Variants in CPNE8 observed in about 807,000 individuals in gnomAD.
CPNE8 encodes copine 8, also known as copine-8.
CPNE8 carries 45 observed loss-of-function variants against 81.5 expected under a neutral mutation model. The observed-to-expected ratio is 0.55, with a 90% CI of 0.44 to 0.71. The LOEUF is 0.71. Among genes scored for constraint, CPNE8 ranks in the 30% least tolerant of loss-of-function variants. CPNE8 has a pLI of 0.00. For missense variants in CPNE8, 594 were observed against 672.1 expected (o/e 0.88, Z 1.28); for synonymous variants, 252 against 226.3 (o/e 1.11, Z -1.02).
chr12:38,748,660 C>A (rs1422474486), intron 10 of CPNE8, among the ~76,000 whole-genome samples: 4 of 150,932 alleles, frequency 2.7e-5, no homozygotes, highest in Non-Finnish European at 5.9e-5. Context: ...GCCACCACGC[C>A]CGGCTAATTT....
chr12:38,678,372 A>G (rs1939338003), intron 16 of CPNE8, among the ~76,000 whole-genome samples: 1 of 151,976 alleles, frequency 6.6e-6, no homozygotes, highest in Non-Finnish European at 1.5e-5. Flanking sequence ...AGTTTTCTAC[A>G]TTCTAGATAT....
chr12:38,902,409 A>AAGAG (rs1194669834), intron 1 of CPNE8, among the ~76,000 whole-genome samples: 2 of 141,378 alleles, frequency 1.4e-5, no homozygotes, highest in Admixed American at 6.8e-5. Flanking sequence ...GAAAGAAAGA[A>AAGAG]AGAAAGAAAA....
intron 7 of CPNE8, among the ~76,000 whole-genome samples, chr12:38,773,936 C>T (rs560828209): frequency 6.6e-6 from 1 of 151,730 alleles, no homozygotes; most frequent in South Asian, 2.1e-4. Flanking sequence ...TGAAGTTACA[C>T]CAAGATTTTA....
chr12:38,862,539 G>A (rs1301872376), intron 3 of CPNE8, among the ~76,000 whole-genome samples: 1 of 152,140 alleles, frequency 6.6e-6, no homozygotes, highest in Non-Finnish European at 1.5e-5. Flanking sequence ...GGTAACAGAA[G>A]CATAACATAA....
chr12:38,663,408 G>A (rs1432239577), intron 19 of CPNE8, among the ~76,000 whole-genome samples: 1 of 151,956 alleles, frequency 6.6e-6, no homozygotes, highest in African/African-American at 2.4e-5. Context: ...AGAAAATGCT[G>A]AAAAATCACT....
intron 10 of CPNE8, among the ~76,000 whole-genome samples, chr12:38,738,683 G>C (rs1941009704): frequency 6.6e-6 from 1 of 151,696 alleles, no homozygotes; most frequent in South Asian, 2.1e-4. Flanking sequence ...CGGGGGATTG[G>C]GTACACATTT....
intron 5 of CPNE8, 66 bp downstream of exon 5, chr12:38,839,850 A>G: frequency 7.4e-7 from 1 of 1,346,750 alleles, no homozygotes; most frequent in Non-Finnish European, 1.0e-6. Context: ...CTTTAATATT[A>G]ATAAGTCAGC....
Position 38,653,750 on chromosome 12 carries a change from A to G in CPNE8, c.*132T>C, listed in dbSNP as rs981644770. 2 of 1,311,770 alleles carry G rather than the reference A, an allele frequency of 1.5e-6. No individual in the cohort carries two copies. Among genetic ancestry groups the G allele is most frequent in the Admixed American group, 3.8e-5 (1 of 25,998 alleles). 81.3% of individuals were successfully genotyped at this position (1,311,770 alleles called of 1,614,324 possible). A position where few individuals can be genotyped will look rare whatever the true frequency, so the allele number is the denominator to read the frequency against. On this transcript the variant is annotated 3_prime_UTR_variant, in exon 20 of 20. Transcript: ENST00000331366. ...TAGGAAGATATTTAAATTTGGATCC[A>G]AGAAAGCACATTAACTGCTGAAACC...
At chr12:38,738,311 C>G (rs1941001034) in intron 10 of CPNE8, among the ~76,000 whole-genome samples, 1 of 152,100 alleles carries the variant, frequency 6.6e-6, no homozygotes, top group Admixed American at 6.6e-5. Flanking sequence ...GTCTTACAAA[C>G]CCCAAAAATA....
Position 38,677,493 on chromosome 12 carries a change from C to A in CPNE8, c.1333G>T (p.Val445Phe). ...TTAGTCTGGGCCATATCTGAGATAACACCATCTGTAACAATCAGAAGCACA... is the reference window on the plus strand; with the variant it reads ...TTAGTCTGGGCCATATCTGAGATAAAACCATCTGTAACAATCAGAAGCACA... ...YFVLLIVTDG[V>F]ISDMAQTKES... The change falls in exon 17 of 20, where the codon GTT becomes TTT. Residue 445 changes from valine (V) to phenylalanine (F), a missense_variant. Val to Phe is a conservative substitution (Grantham distance 50). Coordinates refer to ENST00000331366, the MANE Select transcript of CPNE8 (RefSeq NM_153634.3). The A allele has an allele frequency of 6.2e-7, 1 of 1,612,570 alleles. No homozygotes were observed. The highest frequency in any genetic ancestry group is 8.5e-7 in the Non-Finnish European group (1 of 1,178,944).
At chr12:38,674,934 C>T (rs1939254898) in intron 18 of CPNE8, among the ~76,000 whole-genome samples, 1 of 152,162 alleles carries the variant, frequency 6.6e-6, no homozygotes, top group Non-Finnish European at 1.5e-5. Context: ...AAATAAGCTG[C>T]CATTGTTAAT....
chr12:38,677,030 C>A (rs1939305427), intron 17 of CPNE8, among the ~76,000 whole-genome samples: 1 of 151,890 alleles, frequency 6.6e-6, no homozygotes, highest in Admixed American at 6.6e-5. Flanking sequence ...TTATAATGAG[C>A]AGGATGGTTT....
chr12:38,834,918 C>T (rs1239222886), intron 5 of CPNE8, among the ~76,000 whole-genome samples: 1 of 151,696 alleles, frequency 6.6e-6, no homozygotes, highest in Non-Finnish European at 1.5e-5. Context: ...ACTCTGTCAC[C>T]AGGCTGGAGT....
At chr12:38,809,813 AG>A (rs1478050249) in intron 6 of CPNE8, among the ~76,000 whole-genome samples, 3 of 152,202 alleles carry the variant, frequency 2.0e-5, no homozygotes, top group African/African-American at 7.2e-5. Flanking sequence ...CATGGGACAT[AG>A]ATCACTCCAT....
chr12:38,858,835 C>A (rs1301440594), intron 3 of CPNE8, among the ~76,000 whole-genome samples: 1 of 151,968 alleles, frequency 6.6e-6, no homozygotes, highest in East Asian at 1.9e-4. Flanking sequence ...TAGTGCAATA[C>A]ACAATAAAAC....
At chr12:38,683,621 T>A (rs917979903) in intron 16 of CPNE8, among the ~76,000 whole-genome samples, 1 of 152,076 alleles carries the variant, frequency 6.6e-6, no homozygotes, top group African/African-American at 2.4e-5. Context: ...AAAAATACAA[T>A]TAAACATAAA....
At chr12:38,721,863 G>A (rs1940573696) in intron 13 of CPNE8, among the ~76,000 whole-genome samples, 1 of 152,170 alleles carries the variant, frequency 6.6e-6, no homozygotes, top group Admixed American at 6.5e-5. Context: ...GCCTTGCGGA[G>A]AGCTGGTACC....
rs142371341 is a variant in CPNE8 at position 38,880,369 on chromosome 12, T to C, written c.99-5858A>G. Among the ~76,000 whole-genome samples the C allele has an allele frequency of 2.3e-3, 351 of 152,334 alleles. 2 individuals are homozygous for C. Among genetic ancestry groups the C allele is most frequent in the Admixed American group, 3.2e-3 (49 of 15,310 alleles). On this transcript the variant is annotated intron_variant, in intron 1 of 19. Coordinates refer to ENST00000331366, the MANE Select transcript of CPNE8 (RefSeq NM_153634.3). ...CAAGCTTGCACATAAGTGGGGCCCG[T>C]TGAATGAACAAAGAGTTTTAGTCTC...
intron 5 of CPNE8, among the ~76,000 whole-genome samples, chr12:38,833,937 A>C (rs1330330901): frequency 6.6e-6 from 1 of 152,126 alleles, no homozygotes; most frequent in Non-Finnish European, 1.5e-5. Flanking sequence ...TAGGAGAAAA[A>C]GCAAGAACAA....
Sources: allele counts gnomAD v4.1 joint callset (sites outside exome capture counted in the v4.1 genomes callset), GRCh38; gene constraint gnomAD v4.1.1; transcripts MANE v1.5; gene names NCBI Gene and HGNC (gene_info 2026-07-23, HGNC 2026-07-21).